The following MAN2A2 variants were observed in gnomAD, a reference collection of about 807,000 sequenced individuals.
MAN2A2 encodes mannosidase alpha class 2A member 2.
MAN2A2 carries 79 observed loss-of-function variants against 126.8 expected under a neutral mutation model. That is an observed-to-expected ratio of 0.62 (90% CI 0.52 to 0.75). The LOEUF (loss-of-function observed/expected upper bound fraction) is 0.75. Ranked by LOEUF, MAN2A2 falls within the 30% of genes least tolerant of loss-of-function variation. The pLI is 0.00. For missense variants in MAN2A2, 1,392 were observed against 1,522.4 expected (o/e 0.91, Z 1.43); for synonymous variants, 671 against 618.7 (o/e 1.08, Z -1.25).
chr15:90,910,036 C>T (rs2034599501), intron 9 of MAN2A2, 54 bp from the exon 10 acceptor site: 16 of 1,523,960 alleles, frequency 1.0e-5, no homozygotes, highest in Non-Finnish European at 1.4e-5. Context: ...ACTGTGGCCA[C>T]AATTTGCAGG....
rs199635085 is a variant in MAN2A2, at chr15:90,904,162, G to A, written c.-18-28G>A. The A allele has an allele frequency of 1.0e-4, 166 of 1,613,886 alleles. No individual in the cohort carries two copies. The Middle Eastern group carries it at 3.1e-3, about 30-fold the overall frequency. ...ACTGCCACGGGCATTTTGCATGTTG[G>A]AGCTACAGATGGTGTCCTTCCTGCC... is the stretch of plus-strand genomic sequence containing the variant. On this transcript the variant is annotated intron_variant, in intron 1 of 22. Transcript: ENST00000559717.
Position 90,906,846 on chromosome 15 carries a change from G to T in MAN2A2, c.942G>T (p.Val314=), listed in dbSNP as rs370193513. ...TCACCAGCATGCTGATTCAGAGAGTGCACTATGCCATCAAGAAGCACTTTG... is the reference window on the plus strand; with the variant it reads ...TCACCAGCATGCTGATTCAGAGAGTTCACTATGCCATCAAGAAGCACTTTG... ...ANLTSMLIQR[V]HYAIKKHFAA... The change falls in exon 7 of 23, where the codon GTG becomes GTT. Residue 314 remains valine (V), a synonymous_variant. Coordinates refer to ENST00000559717, the MANE Select transcript of MAN2A2 (RefSeq NM_006122.4). 6.2e-7 allele frequency: 1 copy of T among 1,613,996 alleles called. No homozygotes were observed. Among genetic ancestry groups the T allele is most frequent in the Non-Finnish European group, 8.5e-7 (1 of 1,180,014 alleles).
intron 9 of MAN2A2, 50 bp downstream of exon 9, chr15:90,909,554 C>G: frequency 6.4e-7 from 1 of 1,562,112 alleles, no homozygotes; most frequent in Non-Finnish European, 8.7e-7. Flanking sequence ...TGCAGCCCAT[C>G]CCTTCCCGTG....
Position 90,910,859 on chromosome 15 carries a change from C to A in MAN2A2, c.1773C>A (p.Ser591=), listed in dbSNP as rs777812409. 1.2e-6 allele frequency: 2 copies of A among 1,613,938 alleles called. No individual in the cohort carries two copies. The highest frequency in any genetic ancestry group is 1.7e-6 in the Non-Finnish European group (2 of 1,179,968). ...VVDYGVRLLR[S]LVNLKQVIIH... is the part of the protein sequence containing the mutation. ...GCGCCACCCACAGGCTTCTGCGCTCCCTTGTCAACCTGAAGCAGGTCATCA... is the reference window on the plus strand; with the variant it reads ...GCGCCACCCACAGGCTTCTGCGCTCACTTGTCAACCTGAAGCAGGTCATCA... Residue 591 remains serine, a synonymous_variant, in exon 12 of 23, where the codon TCC becomes TCA. Transcript: ENST00000559717.
In MAN2A2 at chr15:90,912,990, A is replaced by G. The variant is rs946453090; in HGVS notation, c.2583A>G (p.Pro861=). ...AGGCGGTCCGGCTTTACAATCTGCC[A>G]GGTGAGCCCTGCATATGAGGAAGGG... ...IHQAVRLYNL[P]GVEGLSLDIS... The change falls in exon 17 of 23, where the codon CCA becomes CCG. Residue 861 remains proline, a splice_region_variant and synonymous_variant. Transcript: ENST00000559717. 1.1e-5 allele frequency: 18 copies of G among 1,612,332 alleles called. No homozygotes were observed. Among genetic ancestry groups the G allele is most frequent in the Admixed American group, 6.7e-5 (4 of 59,960 alleles).
At chr15:90,904,058 C>T (rs1196230577) in intron 1 of MAN2A2, 132 bp from the exon 2 acceptor site, 2 of 972,614 alleles carry the variant, frequency 2.1e-6, no homozygotes, top group Non-Finnish European at 3.3e-6. Context: ...AGATGTGCTG[C>T]TTGTGCTACT....
intron 16 of MAN2A2, 61 bp downstream of exon 16, chr15:90,912,725 C>A: frequency 1.9e-6 from 3 of 1,607,570 alleles, no homozygotes; most frequent in Non-Finnish European, 2.6e-6. Context: ...CAGGCCTTCC[C>A]ACAGGTTTAT....
rs1325632275 is a variant in MAN2A2, at chr15:90,905,433, G to A, written c.315G>A (p.Arg105=). The change falls in exon 3 of 23, where the codon CGG becomes CGA. Residue 105 remains arginine, a synonymous_variant. Coordinates refer to ENST00000559717, the MANE Select transcript of MAN2A2 (RefSeq NM_006122.4). ...NGSWVVPPEP[R]PSFFSISPQD... ...CCTGGGTGGTGCCACCGGAGCCCCG[G>A]CCCAGCTTCTTCTCCATCTCCCCGC... is the stretch of plus-strand genomic sequence containing the variant. The A allele has an allele frequency of 6.2e-7, 1 of 1,613,792 alleles. No homozygotes were observed. The highest frequency in any genetic ancestry group is 2.2e-5 in the East Asian group (1 of 44,888).
At chr15:90,916,866 A>T (rs2035229310) in intron 20 of MAN2A2, among the ~76,000 whole-genome samples, 1 of 152,214 alleles carries the variant, frequency 6.6e-6, no homozygotes, top group Non-Finnish European at 1.5e-5. Flanking sequence ...CAGAGAAGCC[A>T]TGTGTGTAAA....
chr15:90,910,820 T>A lies in MAN2A2; in HGVS notation c.1761-27T>A, dbSNP rs752034975. On this transcript the variant is annotated intron_variant, in intron 11 of 22. Transcript: ENST00000559717. ...ACAGCTTCCCTATGGTCATCTTCTC[T>A]CCTTCCCTCTCCTGCGCCACCCACA... 2.5e-6 allele frequency: 4 copies of A among 1,606,912 alleles called. No homozygotes were observed. The East Asian group carries it at 8.9e-5, about 36-fold the overall frequency.
Position 90,905,459 on chromosome 15 carries a change from A to C in MAN2A2, c.341A>C (p.Gln114Pro), listed in dbSNP as rs775231268. 65 of 1,613,810 alleles carry C rather than the reference A, an allele frequency of 4.0e-5. No individual in the cohort carries two copies. Among genetic ancestry groups the C allele is most frequent in the Non-Finnish European group, 5.2e-5 (61 of 1,180,012 alleles). ...PRPSFFSISP[Q>P]DCQFALGGRG... The stretch of plus-strand genomic sequence containing the variant: ...CCCAGCTTCTTCTCCATCTCCCCGC[A>C]GGACTGCCAGTTTGCTTTGGGGGGC... The change falls in exon 3 of 23, where the codon CAG becomes CCG. Residue 114 changes from glutamine to proline, a missense_variant. Coordinates refer to ENST00000559717, the MANE Select transcript of MAN2A2 (RefSeq NM_006122.4).
Position 90,911,487 on chromosome 15 carries a change from C to T in MAN2A2, c.2046C>T (p.Pro682=). The change falls in exon 14 of 23, where the codon CCC becomes CCT. Residue 682 remains proline, a synonymous_variant. Transcript: ENST00000559717. The part of the protein sequence containing the change: ...RVRVLSEEGQ[P]LAVQISAHWS... ...GTGTCCTTTCGGAGGAGGGTCAGCCCCTGGCCGTGCAGATCAGCGCACACT... is the reference window on the plus strand; with the variant it reads ...GTGTCCTTTCGGAGGAGGGTCAGCCTCTGGCCGTGCAGATCAGCGCACACT... 3.7e-6 allele frequency: 6 copies of T among 1,614,188 alleles called. No individual in the cohort carries two copies. Among genetic ancestry groups the T allele is most frequent in the Non-Finnish European group, 4.2e-6 (5 of 1,180,044 alleles).
chr15:90,917,272 G>A (rs2035260628), intron 20 of MAN2A2, among the ~76,000 whole-genome samples: 1 of 152,224 alleles, frequency 6.6e-6, no homozygotes, highest in African/African-American at 2.4e-5. Context: ...GGCTGGTGCT[G>A]GGCTAGAGTG....
chr15:90,914,428 G>A (rs986815427), intron 19 of MAN2A2, among the ~76,000 whole-genome samples: 5 of 152,236 alleles, frequency 3.3e-5, no homozygotes, highest in Non-Finnish European at 7.3e-5. Context: ...AGCTTGTAAA[G>A]TGCACTCAGT....
At chr15:90,910,393 G>A (rs2034630273) in intron 10 of MAN2A2, 101 bp downstream of exon 10, 2 of 1,564,916 alleles carry the variant, frequency 1.3e-6, no homozygotes, top group African/African-American at 1.4e-5. Context: ...AGGCCCAGAG[G>A]CCAGGGCAGG....
intron 19 of MAN2A2, 80 bp from the exon 20 acceptor site, chr15:90,916,043 G>A: frequency 1.3e-6 from 2 of 1,518,690 alleles, no homozygotes; most frequent in Non-Finnish European, 1.8e-6. Context: ...GTCAGGGCCT[G>A]TGGCTTGGGA....
chr15:90,911,096 C>A, intron 12 of MAN2A2, 75 bp from the exon 13 acceptor site: 1 of 1,542,980 alleles, frequency 6.5e-7, no homozygotes, highest in South Asian at 1.1e-5. Context: ...AGCCGCTGGT[C>A]CACACCTGGG....
chr15:90,906,568 G>A (rs2034305013), intron 6 of MAN2A2, 71 bp downstream of exon 6: 3 of 1,609,358 alleles, frequency 1.9e-6, no homozygotes, highest in Non-Finnish European at 2.5e-6. Context: ...GTAAGGCACA[G>A]GGATCGGCAG....
In MAN2A2 at chr15:90,912,894, GCCC is replaced by G; in HGVS notation, c.2491_2493del (p.Pro831del). Reference sequence around the variant, plus strand: ...TTCTCTAGCCCTACGTCCCCAAGGAGCCCCCCGTGCTGCGTGTCACTGAAGGCC... The same window carrying G: ...TTCTCTAGCCCTACGTCCCCAAGGAGCCCGTGCTGCGTGTCACTGAAGGCC... On this transcript the variant is annotated inframe_deletion, in exon 17 of 23. Transcript: ENST00000559717. 1 of 1,613,740 alleles carries G rather than the reference GCCC, an allele frequency of 6.2e-7. No individual in the cohort carries two copies. The highest frequency in any genetic ancestry group is 1.3e-5 in the African/African-American group (1 of 75,002).
Sources: gnomAD v4.1 joint callset for allele counts (sites outside exome capture counted in the v4.1 genomes callset) on GRCh38, gnomAD v4.1.1 for gene constraint, MANE v1.5 for transcripts, NCBI Gene and HGNC (gene_info 2026-07-23, HGNC 2026-07-21) for gene names.